PPP2R2C: variants seen among roughly 807,000 people sequenced by gnomAD.
PPP2R2C encodes protein phosphatase 2 regulatory subunit Bgamma.
Under a neutral mutation model 45.3 loss-of-function variants are expected in PPP2R2C, and 10 were observed. The observed-to-expected ratio is 0.22, with a 90% CI of 0.14 to 0.37. The LOEUF is 0.37. Among genes scored for constraint, PPP2R2C ranks in the 10% least tolerant of loss-of-function variants. PPP2R2C has a pLI of 1.00. For synonymous variants in PPP2R2C, 257 were observed against 245.4 expected (o/e 1.05, Z -0.44); for missense variants, 308 against 619.7 (o/e 0.50, Z 5.34).
chr4:6,380,562 A>G (rs1715700891), intron 2 of PPP2R2C, among the ~76,000 whole-genome samples: 1 of 152,166 alleles, frequency 6.6e-6, no homozygotes, highest in Admixed American at 6.5e-5. Flanking sequence ...AGGCAGAGGA[A>G]GGTTTCACTG....
At chr4:6,392,585 G>A (rs1029732503) in intron 1 of PPP2R2C, among the ~76,000 whole-genome samples, 1 of 152,228 alleles carries the variant, frequency 6.6e-6, no homozygotes, top group African/African-American at 2.4e-5. Flanking sequence ...GGTAGGGTGA[G>A]TTTGATCTGT....
intron 1 of PPP2R2C, among the ~76,000 whole-genome samples, chr4:6,462,548 G>A (rs191266514): frequency 1.3e-5 from 2 of 152,228 alleles, no homozygotes; most frequent in East Asian, 3.9e-4. Flanking sequence ...GATGGAGGCT[G>A]AGTCTAGGTC....
chr4:6,381,971 G>C (rs950144315), intron 1 of PPP2R2C: 17 of 1,444,290 alleles, frequency 1.2e-5, no homozygotes, highest in Non-Finnish European at 1.5e-5. Context: ...CCTGGGAGTG[G>C]GGGAGAGCAG....
chr4:6,370,439 C>G (rs928570068), intron 5 of PPP2R2C, among the ~76,000 whole-genome samples: 2 of 152,214 alleles, frequency 1.3e-5, no homozygotes, highest in Admixed American at 1.3e-4. Context: ...GCCCCTCCCC[C>G]ACATCCAGGG....
intron 1 of PPP2R2C, among the ~76,000 whole-genome samples, chr4:6,558,850 G>C (rs1003717419): frequency 2.6e-5 from 4 of 152,132 alleles, no homozygotes; most frequent in African/African-American, 7.2e-5. Flanking sequence ...ATCTAAAGAT[G>C]CCCCACCCAG....
intron 6 of PPP2R2C, 56 bp from the exon 7 acceptor site, chr4:6,333,787 G>A (rs1362666717): frequency 1.3e-6 from 2 of 1,593,506 alleles, no homozygotes; most frequent in African/African-American, 2.7e-5. Context: ...CATGGGGTTG[G>A]CACGACGGAT....
At chr4:6,431,849 G>A (rs767182288) in intron 1 of PPP2R2C, among the ~76,000 whole-genome samples, 8 of 152,086 alleles carry the variant, frequency 5.3e-5, no homozygotes, top group Non-Finnish European at 7.4e-5. Context: ...CTACAGACTC[G>A]GGGGGCTTAT....
At chr4:6,390,675 T>A (rs1256569836) in intron 1 of PPP2R2C, among the ~76,000 whole-genome samples, 2 of 152,150 alleles carry the variant, frequency 1.3e-5, no homozygotes, top group Non-Finnish European at 2.9e-5. Flanking sequence ...GACGAAGACC[T>A]CATTCCGGGC....
upstream of PPP2R2C, among the ~76,000 whole-genome samples, chr4:6,473,741 G>A (rs1011201746): frequency 5.3e-5 from 8 of 152,246 alleles, no homozygotes; most frequent in African/African-American, 1.2e-4. Context: ...GTCCAAAGGC[G>A]TTGGGGGCAG....
intron 1 of PPP2R2C, among the ~76,000 whole-genome samples, chr4:6,418,430 T>A (rs1718738015): frequency 6.6e-6 from 1 of 152,156 alleles, no homozygotes; most frequent in Admixed American, 6.5e-5. Context: ...AGAATTCAAG[T>A]CTGGGTCTAG....
chr4:6,556,281 G>A (rs1321948478), intron 1 of PPP2R2C, among the ~76,000 whole-genome samples: 1 of 152,110 alleles, frequency 6.6e-6, no homozygotes, highest in Non-Finnish European at 1.5e-5. Context: ...GTTTGTTCAG[G>A]GCCTGAATGG....
upstream of PPP2R2C, among the ~76,000 whole-genome samples, chr4:6,474,971 T>C (rs867041862): frequency 4.7e-4 from 72 of 152,166 alleles, no homozygotes; most frequent in African/African-American, 1.6e-3. Flanking sequence ...CAGACTCCTC[T>C]CTGTACTTTC....
At position 6,497,913 on chromosome 4, in the gene PPP2R2C, A is replaced by T. The variant is rs564388981; in HGVS notation, c.49+37358T>A. On this transcript the variant is annotated intron_variant, in intron 2 of 9. Coordinates refer to the PPP2R2C transcript ENST00000506140. ...GCAGGGAAATGGAAATTAAAATCAC[A>T]TGAGAGACCATTAGCAGTCACCAGA... Among the ~76,000 whole-genome samples, 17 of 152,378 alleles carry T rather than the reference A, an allele frequency of 1.1e-4. No homozygotes were observed. The East Asian group carries it at 1.5e-3, about 14-fold the overall frequency.
At chr4:6,497,811 G>A (rs1722923183) in intron 2 of PPP2R2C, among the ~76,000 whole-genome samples, 1 of 152,214 alleles carries the variant, frequency 6.6e-6, no homozygotes, top group South Asian at 2.1e-4. Context: ...GACCCAAAAA[G>A]AGGGTTTGCA....
At position 6,324,740 on chromosome 4, in the gene PPP2R2C, A is replaced by G. The variant is rs1731817259; in HGVS notation, c.1053-1147T>C. Among the ~76,000 whole-genome samples, 1 of 152,096 alleles carries G rather than the reference A, an allele frequency of 6.6e-6. No homozygotes were observed. Among genetic ancestry groups the G allele is most frequent in the Non-Finnish European group, 1.5e-5 (1 of 68,004 alleles). On this transcript the variant is annotated intron_variant, in intron 8 of 8. Transcript: ENST00000382599. The surrounding 1 kb of genome is among the most constrained non-coding windows in gnomAD (Gnocchi z 4.1). ...TTCTCTGCTCTCCCTGCTCCTAAGG[A>G]GAAGGGGTTCCTGCCGGTGGGAGGA...
At chr4:6,449,170 G>A (rs1051816346) in intron 1 of PPP2R2C, among the ~76,000 whole-genome samples, 1 of 152,198 alleles carries the variant, frequency 6.6e-6, no homozygotes, top group Admixed American at 6.5e-5. Context: ...AGGCCCACTC[G>A]TGGGATTTAC....
At chr4:6,360,868 C>A (rs1713670706) in intron 5 of PPP2R2C, among the ~76,000 whole-genome samples, 1 of 152,160 alleles carries the variant, frequency 6.6e-6, no homozygotes, top group Admixed American at 6.5e-5. Context: ...CCTTCTGAGG[C>A]CCGTCTCCTC....
chr4:6,463,951 A>T (rs1721462227), intron 1 of PPP2R2C, among the ~76,000 whole-genome samples: 1 of 152,246 alleles, frequency 6.6e-6, no homozygotes, highest in Non-Finnish European at 1.5e-5. Context: ...GTGCATAATC[A>T]GAACTGAACA....
Position 6,563,380 on chromosome 4 carries a change from G to A in PPP2R2C, c.-59+180C>T, listed in dbSNP as rs1725647575. ...AGGACCGCCCCGGGGTCGGTGCCCG[G>A]GCTCTCTGAGTCTCGCTTCTGGCCC... On this transcript the variant is annotated intron_variant, in intron 1 of 9. Transcript: ENST00000506140. This position sits in a 1 kb window ranked among gnomAD's most constrained non-coding sequence, Gnocchi z 5.8. Among the ~76,000 whole-genome samples the A allele has an allele frequency of 6.6e-6, 1 of 152,190 alleles. No homozygotes were observed. The highest frequency in any genetic ancestry group is 6.5e-5 in the Admixed American group (1 of 15,290).
Sources: allele counts gnomAD v4.1 joint callset (sites outside exome capture counted in the v4.1 genomes callset), GRCh38; gene constraint gnomAD v4.1.1; non-coding constraint Gnocchi (gnomAD v3.1); transcripts MANE v1.5; gene names NCBI Gene and HGNC (gene_info 2026-07-23, HGNC 2026-07-21).